C14orf93: variants seen among roughly 807,000 people sequenced by gnomAD.
C14orf93 encodes the protein chromosome 14 open reading frame 93.
A neutral mutation model predicts 44.0 loss-of-function variants in C14orf93; 23 were observed. That is an observed-to-expected ratio of 0.52 (90% CI 0.38 to 0.74). C14orf93 has a LOEUF of 0.74. Among genes scored for constraint, C14orf93 ranks in the 30% least tolerant of loss-of-function variants. C14orf93 has a pLI of 0.00. For synonymous variants in C14orf93, 253 were observed against 265.7 expected (o/e 0.95, Z 0.46); for missense variants, 579 against 678.9 (o/e 0.85, Z 1.64).
rs2046167900 is a variant in C14orf93 at position 22,999,119 on chromosome 14, AG to A, written c.-97del. The stretch of plus-strand genomic sequence containing the variant: ...CTGGACTCACTTTCCTTTCTCAATG[AG>A]GATGGTCAGAGGAGCCCAGGCCCCA... On this transcript the variant is annotated 5_prime_UTR_variant, in exon 2 of 7. The change abolishes the stop of an existing upstream ORF in the 5' untranslated region. Transcript: ENST00000299088. 2.0e-6 allele frequency: 3 copies of A among 1,504,434 alleles called. No individual in the cohort carries two copies. The Admixed American group carries it at 6.3e-5, about 31-fold the overall frequency. 93.2% of individuals were successfully genotyped at this position (1,504,434 alleles called of 1,614,324 possible).
intron 1 of C14orf93, among the ~76,000 whole-genome samples, chr14:23,000,327 C>T (rs1025749848): frequency 6.6e-6 from 1 of 151,830 alleles, no homozygotes; most frequent in African/African-American, 2.4e-5. Context: ...AAAAAAAATC[C>T]TTCTGATGTG....
chr14:22,996,095 G>A lies in C14orf93; in HGVS notation c.771C>T (p.Ala257=), dbSNP rs141704735. 167 of 1,614,044 alleles carry A rather than the reference G, an allele frequency of 1.0e-4. No individual in the cohort carries two copies. Among genetic ancestry groups the A allele is most frequent in the Middle Eastern group, 4.9e-4 (3 of 6,062 alleles). ...CCAAGGCACTGTCCAGCGCAGCAGCGGCATTGAGCATGTCCTCAGGGCGGG... is the reference window on the plus strand; with the variant it reads ...CCAAGGCACTGTCCAGCGCAGCAGCAGCATTGAGCATGTCCTCAGGGCGGG... ...PPPRPEDMLN[A]AAALDSALEE... Residue 257 remains alanine (A), a synonymous_variant, in exon 3 of 7, where the codon GCC becomes GCT. Coordinates refer to ENST00000299088, the MANE Select transcript of C14orf93 (RefSeq NM_021944.4). The surrounding 1 kb of genome is among the most constrained non-coding windows in gnomAD (Gnocchi z 4.1).
At chr14:22,989,621 A>G (rs2045467033) in intron 5 of C14orf93, 121 bp downstream of exon 5, 2 of 708,794 alleles carry the variant, frequency 2.8e-6, no homozygotes, top group African/African-American at 3.6e-5. Context: ...AATGTTTCAA[A>G]TCCACTATTT....
In C14orf93 at chr14:22,998,465, T is replaced by C. The variant is rs2046123690; in HGVS notation, c.559A>G (p.Thr187Ala). The change falls in exon 2 of 7, where the codon ACG becomes GCG. Residue 187 changes from threonine (T) to alanine (A), a missense_variant. Thr to Ala is a moderately conservative substitution (Grantham distance 58). Coordinates refer to ENST00000299088, the MANE Select transcript of C14orf93 (RefSeq NM_021944.4). ...TQRDMRLPGC[T>A]LAASEAAPLL... ...GGGGCCGCCTCGCTGGCAGCCAGCG[T>C]GCACCCTGGGAGCCGCATGTCCCTC... The C allele has an allele frequency of 6.2e-7, 1 of 1,603,696 alleles. No homozygotes were observed. Among genetic ancestry groups the C allele is most frequent in the African/African-American group, 1.3e-5 (1 of 74,732 alleles).
Position 22,998,858 on chromosome 14 carries a change from G to C in C14orf93, c.166C>G (p.Gln56Glu), listed in dbSNP as rs948839943. ...ITVTGHGLAV[Q>E]SSEQLLHVIY... is the part of the protein sequence containing the mutation. ...ACATGCAGGAGCTGCTCTGAGCTCT[G>C]AACAGCCAAGCCATGTCCAGTCACT... Residue 56 changes from glutamine to glutamate, a missense_variant, in exon 2 of 7, where the codon CAG becomes GAG. Physicochemically the swap from Gln to Glu is conservative, Grantham distance 29 (BLOSUM62 2). Coordinates refer to ENST00000299088, the MANE Select transcript of C14orf93 (RefSeq NM_021944.4). The C allele has an allele frequency of 4.3e-6, 7 of 1,613,970 alleles. No homozygotes were observed. The East Asian group carries it at 1.6e-4, about 36-fold the overall frequency.
intron 2 of C14orf93, among the ~76,000 whole-genome samples, chr14:22,997,945 T>A (rs973583839): frequency 1.3e-5 from 2 of 151,982 alleles, no homozygotes; most frequent in Non-Finnish European, 2.9e-5. Flanking sequence ...TCCCTCCCTA[T>A]ACTTGTCTTC....
chr14:22,995,984 C>T lies in C14orf93; in HGVS notation c.882G>A (p.Gln294=). 1 of 1,607,372 alleles carries T rather than the reference C, an allele frequency of 6.2e-7. No homozygotes were observed. Residue 294 remains glutamine, a synonymous_variant, in exon 3 of 7, where the codon CAG becomes CAA. Transcript: ENST00000299088. ...GATCCCGCTTGCGCCTGGAGTTCTT[C>T]TGCCCACTTCCTCTGGTCCTGCATG... ...VSPCRTRGSG[Q]KNSRRKRDLV... is the part of the protein sequence containing the mutation.
rs1256636815 is a variant in C14orf93 at position 22,987,515 on chromosome 14, C to T, written c.1317G>A (p.Val439=). The change falls in exon 7 of 7, where the codon GTG becomes GTA. Residue 439 remains valine, a synonymous_variant. Coordinates refer to ENST00000299088, the MANE Select transcript of C14orf93 (RefSeq NM_021944.4). The surrounding 1 kb of genome is among the most constrained non-coding windows in gnomAD (Gnocchi z 5.6). ...DEEDSLNEPG[V]WVARPPRFRA... ...GGAAACGGGGAGGGCGGGCCACCCA[C>T]ACACCTGGCTCGTTAAGACTGTCCT... 5.0e-6 allele frequency: 8 copies of T among 1,614,242 alleles called. No homozygotes were observed. Among genetic ancestry groups the T allele is most frequent in the Non-Finnish European group, 5.9e-6 (7 of 1,180,040 alleles).
Position 22,987,357 on chromosome 14 carries a change from A to G in C14orf93, c.1475T>C (p.Leu492Pro), listed in dbSNP as rs1033760061. 6.2e-7 allele frequency: 1 copy of G among 1,614,070 alleles called. No individual in the cohort carries two copies. Among genetic ancestry groups the G allele is most frequent in the African/African-American group, 1.3e-5 (1 of 74,922 alleles). Residue 492 changes from leucine to proline, a missense_variant, in exon 7 of 7, where the codon CTT (leucine) becomes CCT (proline). Transcript: ENST00000299088. The surrounding 1 kb of genome is among the most constrained non-coding windows in gnomAD (Gnocchi z 5.6). Reference protein sequence around the residue: ...SAEAQLLPPELYNPNFQEEED... With the variant: ...SAEAQLLPPEPYNPNFQEEED... ...CTCTTCTTGGAAATTAGGATTGTAA[A>G]GTTCTGGTGGAAGGAGCTGGGCTTC... is the stretch of plus-strand genomic sequence containing the variant.
In C14orf93 at chr14:23,000,746, G is replaced by A. The variant is rs970477352; in HGVS notation, c.-379-1344C>T. On this transcript the variant is annotated intron_variant, in intron 1 of 6. Coordinates refer to ENST00000299088, the MANE Select transcript of C14orf93 (RefSeq NM_021944.4). ...AAAAAAAAAAAAAAAAGAGTAGGAGGTTAAGAGAATTTTCTATATATTGAG... is the reference window on the plus strand; with the variant it reads ...AAAAAAAAAAAAAAAAGAGTAGGAGATTAAGAGAATTTTCTATATATTGAG... 6.0e-5 allele frequency among the ~76,000 whole-genome samples: 9 copies of A among 151,110 alleles called. No individual in the cohort carries two copies. The East Asian group carries it at 1.7e-3, about 29-fold the overall frequency.
At chr14:22,992,860 G>A (rs1421452509) in intron 3 of C14orf93, among the ~76,000 whole-genome samples, 2 of 151,848 alleles carry the variant, frequency 1.3e-5, no homozygotes, top group African/African-American at 2.4e-5. Context: ...TGGGATTACA[G>A]GCATGAGCCA....
At position 22,987,281 on chromosome 14, in the gene C14orf93, T is replaced by C. The variant is rs1203589756; in HGVS notation, c.1551A>G (p.Gln517=). Residue 517 remains glutamine, a synonymous_variant, in exon 7 of 7, where the codon CAA becomes CAG. Coordinates refer to ENST00000299088, the MANE Select transcript of C14orf93 (RefSeq NM_021944.4). The surrounding 1 kb of genome is among the most constrained non-coding windows in gnomAD (Gnocchi z 5.6). ...ENAPGSPSFD[Q]PHKTCCPDLN... ...AGTCAGGACAGCAGGTTTTGTGGGG[T>C]TGGTCAAAAGATGGGGAGCCAGGTG... 24 of 1,614,070 alleles carry C rather than the reference T, an allele frequency of 1.5e-5. No individual in the cohort carries two copies. Among genetic ancestry groups the C allele is most frequent in the Admixed American group, 3.3e-5 (2 of 60,004 alleles).
intron 1 of C14orf93, among the ~76,000 whole-genome samples, chr14:23,008,368 C>G (rs2046740311): frequency 6.6e-6 from 1 of 152,126 alleles, no homozygotes; most frequent in Non-Finnish European, 1.5e-5. Context: ...AACAGGGCCA[C>G]TTTTGTTATA....
intron 3 of C14orf93, 37 bp from the exon 4 acceptor site, chr14:22,990,164 G>A: frequency 6.3e-7 from 1 of 1,575,488 alleles, no homozygotes; most frequent in African/African-American, 1.4e-5. Flanking sequence ...CAAGCCAAGA[G>A]TGGATGTTAT....
intron 2 of C14orf93, among the ~76,000 whole-genome samples, chr14:22,997,728 T>C (rs2046073709): frequency 6.6e-6 from 1 of 152,106 alleles, no homozygotes. Context: ...TTTCTCCCTA[T>C]ATGTTATTCT....
At chr14:22,992,190 G>T (rs2045680871) in intron 3 of C14orf93, among the ~76,000 whole-genome samples, 1 of 152,128 alleles carries the variant, frequency 6.6e-6, no homozygotes, top group South Asian at 2.1e-4. Context: ...TGCCGGCTGG[G>T]CGTGGTGGCT....
chr14:22,987,223 C>T lies in C14orf93; in HGVS notation c.1609G>A (p.Asp537Asn). ...ATTCTTGGCTGTAGATTTTATTCAT[C>T]CTTTTCCACCTTGATTTCAATGAAT... ...NSFIEIKVEKDE is the reference protein window; with the variant it reads ...NSFIEIKVEKNE Residue 537 changes from aspartate to asparagine, a missense_variant, in exon 7 of 7, where the codon GAT (aspartate) becomes AAT (asparagine). Transcript: ENST00000299088. This position sits in a 1 kb window ranked among gnomAD's most constrained non-coding sequence, Gnocchi z 5.6. 1 of 1,610,646 alleles carries T rather than the reference C, an allele frequency of 6.2e-7. No homozygotes were observed. The highest frequency in any genetic ancestry group is 8.5e-7 in the Non-Finnish European group (1 of 1,177,614).
intron 5 of C14orf93, among the ~76,000 whole-genome samples, chr14:22,988,795 C>T (rs2045403447): frequency 6.6e-6 from 1 of 152,140 alleles, no homozygotes; most frequent in Non-Finnish European, 1.5e-5. Flanking sequence ...TAAAACCTAC[C>T]CCTTCTTGGG....
In C14orf93 at chr14:22,990,078, T is replaced by C; in HGVS notation, c.968A>G (p.Asn323Ser). 6.2e-7 allele frequency: 1 copy of C among 1,613,352 alleles called. No homozygotes were observed. ...AAGGAGACCATACCTTTCAGACCCA[T>C]TGAATCTCTTGTCATTGGTGATGTG... ...HNHITNDKRF[N>S]GSESIKSSWN... Residue 323 changes from asparagine (N) to serine (S), a missense_variant, in exon 4 of 7, where the codon AAT becomes AGT. Physicochemically the swap from Asn to Ser is conservative, Grantham distance 46 (BLOSUM62 1). Transcript: ENST00000299088.
Sources: allele counts gnomAD v4.1 joint callset (sites outside exome capture counted in the v4.1 genomes callset), GRCh38; gene constraint gnomAD v4.1.1; non-coding constraint Gnocchi (gnomAD v3.1); transcripts MANE v1.5; gene names NCBI Gene and HGNC (gene_info 2026-07-23, HGNC 2026-07-21).